NUP98: variants seen among roughly 807,000 people sequenced by gnomAD.
NUP98 encodes nuclear pore complex protein Nup98-Nup96.
NUP98 carries 26 observed loss-of-function variants against 191.9 expected under a neutral mutation model. That is an observed-to-expected ratio of 0.14 (90% CI 0.10 to 0.19). The LOEUF (loss-of-function observed/expected upper bound fraction) is 0.19, where lower values mean the gene tolerates loss of function less well. Among genes scored for constraint, NUP98 ranks in the 10% least tolerant of loss-of-function variants. The pLI is 1.00. For synonymous variants in NUP98, 808 were observed against 778.4 expected (o/e 1.04, Z -0.63); for missense variants, 1,941 against 2,178.8 (o/e 0.89, Z 2.17).
intron 9 of NUP98, 104 bp downstream of exon 9, chr11:3,762,798 T>C: frequency 8.2e-7 from 1 of 1,216,846 alleles, no homozygotes; most frequent in Non-Finnish European, 1.2e-6. Flanking sequence ...GGTGCAATAA[T>C]ACACCCAATA....
intron 2 of NUP98, among the ~76,000 whole-genome samples, chr11:3,779,818 A>G (rs1343878841): frequency 6.6e-6 from 1 of 151,804 alleles, no homozygotes; most frequent in Non-Finnish European, 1.5e-5. Flanking sequence ...TAAAAGTTAC[A>G]GATGTTCATA....
intron 22 of NUP98, 122 bp from the exon 23 acceptor site, chr11:3,703,014 C>T (rs2078757309): frequency 1.2e-6 from 1 of 812,780 alleles, no homozygotes; most frequent in African/African-American, 1.7e-5. Flanking sequence ...CTACTTATAT[C>T]AGATGTGGAT....
chr11:3,689,874 T>A lies in NUP98; in HGVS notation c.4454+1473A>T, dbSNP rs181177988. On this transcript the variant is annotated intron_variant, in intron 28 of 32. Transcript: ENST00000324932. The stretch of plus-strand genomic sequence containing the variant: ...CTGGCCTCGAACTCCTGGGCTCAAG[T>A]GATCTGCTGGCCTTGGCCTTCCAAA... Among the ~76,000 whole-genome samples, 29 of 151,440 alleles carry A rather than the reference T, an allele frequency of 1.9e-4. No individual in the cohort carries two copies. In the East Asian group the frequency reaches 5.3e-3, roughly 28 times the overall value.
At chr11:3,737,510 C>T (rs1019328160) in intron 12 of NUP98, among the ~76,000 whole-genome samples, 2 of 152,004 alleles carry the variant, frequency 1.3e-5, no homozygotes, top group Admixed American at 1.3e-4. Flanking sequence ...ACCTGTAGTC[C>T]CAGCTACTCC....
At chr11:3,741,757 A>C (rs1444481117) in intron 12 of NUP98, among the ~76,000 whole-genome samples, 3 of 152,242 alleles carry the variant, frequency 2.0e-5, no homozygotes, top group African/African-American at 7.2e-5. Context: ...ACAAAAGGAC[A>C]ATCCTAAATG....
intron 20 of NUP98, among the ~76,000 whole-genome samples, chr11:3,707,521 G>C (rs1164382943): frequency 6.6e-6 from 1 of 151,796 alleles, no homozygotes; most frequent in African/African-American, 2.4e-5. Context: ...GCCGAGGTGG[G>C]CAGATCACTT....
intron 11 of NUP98, among the ~76,000 whole-genome samples, chr11:3,745,338 GT>G (rs896949128): frequency 2.0e-4 from 31 of 152,162 alleles, no homozygotes; most frequent in African/African-American, 7.5e-4. Context: ...AGACAAACTT[GT>G]TTTACAAAAA....
intron 10 of NUP98, among the ~76,000 whole-genome samples, chr11:3,759,600 A>AAAAT (rs1043079537): frequency 1.8e-4 from 28 of 152,166 alleles, no homozygotes; most frequent in African/African-American, 4.8e-4. Flanking sequence ...CTACACCTCA[A>AAAAT]AAATAAATAA....
At chr11:3,740,779 C>T (rs2080252936) in intron 12 of NUP98, among the ~76,000 whole-genome samples, 1 of 151,328 alleles carries the variant, frequency 6.6e-6, no homozygotes, top group African/African-American at 2.4e-5. Flanking sequence ...TACTCACGTA[C>T]AAAGAGTTGC....
chr11:3,794,828 A>G (rs1047428535), intron 1 of NUP98, among the ~76,000 whole-genome samples: 12 of 152,152 alleles, frequency 7.9e-5, no homozygotes, highest in African/African-American at 2.9e-4. Context: ...TGCCCAGGCT[A>G]GTCTTGAACT....
intron 20 of NUP98, among the ~76,000 whole-genome samples, chr11:3,711,256 T>C (rs2079017133): frequency 2.6e-5 from 4 of 152,148 alleles, no homozygotes; most frequent in African/African-American, 7.2e-5. Context: ...AAAAAGCTAC[T>C]TGCCCATTTT....
chr11:3,766,227 T>A (rs1324456828), intron 8 of NUP98, among the ~76,000 whole-genome samples: 1 of 151,968 alleles, frequency 6.6e-6, no homozygotes, highest in Non-Finnish European at 1.5e-5. Context: ...CTACAAAAAT[T>A]AGCTGGACAT....
chr11:3,695,427 T>C (rs777534964), intron 26 of NUP98, 22 bp downstream of exon 26: 13 of 1,506,916 alleles, frequency 8.6e-6, no homozygotes, highest in African/African-American at 4.2e-5. Context: ...ATGTGAGATA[T>C]TATGGTAAAA....
intron 31 of NUP98, among the ~76,000 whole-genome samples, chr11:3,678,952 T>C (rs543538311): frequency 6.6e-6 from 1 of 151,986 alleles, no homozygotes; most frequent in East Asian, 1.9e-4. Context: ...TGAAACACTA[T>C]CTCTACTAAA....
intron 1 of NUP98, among the ~76,000 whole-genome samples, chr11:3,784,758 C>T (rs2082086459): frequency 1.3e-5 from 2 of 150,990 alleles, no homozygotes; most frequent in Admixed American, 1.3e-4. Flanking sequence ...TACAAACCCC[C>T]AGGCTCCATT....
intron 25 of NUP98, among the ~76,000 whole-genome samples, chr11:3,697,731 G>A (rs2078553062): frequency 6.8e-6 from 1 of 147,116 alleles, no homozygotes; most frequent in African/African-American, 2.5e-5. Context: ...CAGGAGAATC[G>A]CTTGAACCCA....
At chr11:3,706,929 T>C (rs1398520904) in intron 20 of NUP98, among the ~76,000 whole-genome samples, 4 of 152,240 alleles carry the variant, frequency 2.6e-5, no homozygotes, top group Non-Finnish European at 5.9e-5. Context: ...ACAAAGATTA[T>C]GCTTTACTTG....
At chr11:3,680,163 A>G (rs759693213) in intron 30 of NUP98, among the ~76,000 whole-genome samples, 2 of 152,122 alleles carry the variant, frequency 1.3e-5, no homozygotes, top group Non-Finnish European at 2.9e-5. Context: ...GGCTATGCTA[A>G]TTTCTTAAAA....
At chr11:3,717,739 T>C (rs1165957077) in intron 18 of NUP98, among the ~76,000 whole-genome samples, 1 of 152,232 alleles carries the variant, frequency 6.6e-6, no homozygotes, top group Admixed American at 6.5e-5. Context: ...GGCATCCTTG[T>C]GTTGCCTTGT....
Sources: allele counts gnomAD v4.1 joint callset (sites outside exome capture counted in the v4.1 genomes callset), GRCh38; gene constraint gnomAD v4.1.1; transcripts MANE v1.5; gene names NCBI Gene and HGNC (gene_info 2026-07-23, HGNC 2026-07-21).